The following EDAR variants were observed in gnomAD, a reference collection of about 807,000 sequenced individuals.
EDAR encodes ectodysplasin A receptor.
Under a neutral mutation model 51.3 loss-of-function variants are expected in EDAR, and 38 were observed. The ratio of observed to expected loss-of-function variants is 0.74; its 90% CI spans 0.57 to 0.97. EDAR has a LOEUF of 0.97. EDAR is among the 50% of genes least tolerant of loss of function. The pLI, the probability that EDAR is intolerant of heterozygous loss-of-function variation, is 0.00. For missense variants in EDAR, 528 were observed against 595.0 expected (o/e 0.89, Z 1.17); for synonymous variants, 227 against 242.1 (o/e 0.94, Z 0.58).
intron 1 of EDAR, among the ~76,000 whole-genome samples, chr2:108,979,644 C>T (rs1037804415): frequency 3.3e-5 from 5 of 152,100 alleles, no homozygotes; most frequent in Non-Finnish European, 5.9e-5. Context: ...GCCCCTCCTG[C>T]CTCCCTACCC....
chr2:108,917,048 C>A (rs1434210665), intron 5 of EDAR, among the ~76,000 whole-genome samples: 2 of 152,210 alleles, frequency 1.3e-5, no homozygotes, highest in Non-Finnish European at 2.9e-5. Context: ...AATGGAGCTG[C>A]CTTTTCAGCA....
At chr2:108,940,777 A>C (rs1574394036) in intron 1 of EDAR, among the ~76,000 whole-genome samples, 1 of 152,142 alleles carries the variant, frequency 6.6e-6, no homozygotes, top group East Asian at 1.9e-4. Context: ...GTGTTCTCAG[A>C]CTCTGCATGT....
chr2:108,897,502 A>G (rs1346166661), intron 11 of EDAR, among the ~76,000 whole-genome samples: 6 of 152,126 alleles, frequency 3.9e-5, no homozygotes, highest in Non-Finnish European at 8.8e-5. Context: ...AATGATAATA[A>G]TTCCCTCATG....
intron 1 of EDAR, among the ~76,000 whole-genome samples, chr2:108,938,914 C>T (rs953626036): frequency 2.7e-5 from 4 of 150,510 alleles, no homozygotes; most frequent in East Asian, 4.0e-4. Flanking sequence ...CGAGTAGCTG[C>T]GACTACAGGC....
chr2:108,905,625 G>C (rs1362041448), intron 11 of EDAR, among the ~76,000 whole-genome samples: 2 of 152,142 alleles, frequency 1.3e-5, no homozygotes, highest in Admixed American at 1.3e-4. Context: ...AGGAGTCCAC[G>C]GAGGGAGGCC....
chr2:108,985,551 C>T (rs375219234), intron 1 of EDAR, among the ~76,000 whole-genome samples: 1 of 152,182 alleles, frequency 6.6e-6, no homozygotes, highest in Admixed American at 6.5e-5. Flanking sequence ...TACATGTGTA[C>T]GTAGGTGTAT....
intron 1 of EDAR, among the ~76,000 whole-genome samples, chr2:108,936,243 T>C (rs968843769): frequency 6.6e-6 from 1 of 152,198 alleles, no homozygotes; most frequent in Non-Finnish European, 1.5e-5. Context: ...GGCCTGATGG[T>C]TCGGAGTTAC....
intron 1 of EDAR, among the ~76,000 whole-genome samples, chr2:108,949,380 T>C (rs1006030361): frequency 4.6e-5 from 7 of 152,206 alleles, no homozygotes; most frequent in Non-Finnish European, 7.3e-5. Context: ...TCTGATAATT[T>C]TGCTTTTCAG....
rs371245453 is a variant in EDAR, at chr2:108,925,799, T to C, written c.357-2346A>G. Among the ~76,000 whole-genome samples, 45 of 152,206 alleles carry C rather than the reference T, an allele frequency of 3.0e-4. 1 individual carries two copies. Among genetic ancestry groups the C allele is most frequent in the African/African-American group, 9.9e-4 (41 of 41,534 alleles). ...CGCCTGGCTAATTTTTATATTTTAA[T>C]AGAGATGGGGTTTCACCTGTTGGCC... On this transcript the variant is annotated intron_variant, in intron 4 of 11. Transcript: ENST00000258443.
chr2:108,926,182 A>G lies in EDAR; in HGVS notation c.357-2729T>C, dbSNP rs1256826374. Among the ~76,000 whole-genome samples, 4 of 152,244 alleles carry G rather than the reference A, an allele frequency of 2.6e-5. No individual in the cohort carries two copies. In the East Asian group the frequency reaches 7.7e-4, roughly 29 times the overall value. On this transcript the variant is annotated intron_variant, in intron 4 of 11. Coordinates refer to ENST00000258443, the MANE Select transcript of EDAR (RefSeq NM_022336.4). ...CTTTTTCTGCCTGGGCTTGTCACCA[A>G]CCCGAAATCAGGTGTTCATTTAGGG...
chr2:108,913,246 G>A (rs1490145491), intron 5 of EDAR, among the ~76,000 whole-genome samples: 8 of 152,116 alleles, frequency 5.3e-5, no homozygotes, highest in Non-Finnish European at 7.4e-5. Context: ...ACCGCGCCCG[G>A]CTGGTTATTG....
intron 9 of EDAR, among the ~76,000 whole-genome samples, chr2:108,908,393 C>A (rs898991084): frequency 6.6e-6 from 1 of 152,202 alleles, no homozygotes; most frequent in Non-Finnish European, 1.5e-5. Flanking sequence ...TCCCAGTAAG[C>A]ACCAAGTTCA....
intron 11 of EDAR, among the ~76,000 whole-genome samples, chr2:108,903,440 G>A (rs903695744): frequency 7.4e-5 from 11 of 149,352 alleles, no homozygotes; most frequent in Non-Finnish European, 1.5e-4. Context: ...AAAGATTTTT[G>A]AAAAAAAAAT....
At chr2:108,950,817 C>T (rs965283570) in intron 1 of EDAR, among the ~76,000 whole-genome samples, 2 of 152,236 alleles carry the variant, frequency 1.3e-5, no homozygotes, top group African/African-American at 2.4e-5. Flanking sequence ...GCAATACATT[C>T]TCAGCACAGG....
At chr2:108,982,791 C>T (rs940038742) in intron 1 of EDAR, among the ~76,000 whole-genome samples, 8 of 152,144 alleles carry the variant, frequency 5.3e-5, no homozygotes, top group Admixed American at 1.3e-4. Context: ...GCTTTGGTTA[C>T]GTCTGCCCGT....
chr2:108,949,380 TTG>T (rs1697779086), intron 1 of EDAR, among the ~76,000 whole-genome samples: 2 of 152,206 alleles, frequency 1.3e-5, no homozygotes, highest in Non-Finnish European at 2.9e-5. Flanking sequence ...TCTGATAATT[TTG>T]CTTTTCAGTC....
In EDAR at chr2:108,929,222, G is replaced by T. The variant is rs1459458246; in HGVS notation, c.332C>A (p.Ala111Asp). ...VLTPGDMENDAECGPCLPGYY... is the reference protein window; with the variant it reads ...VLTPGDMENDDECGPCLPGYY... ...CCCAGGGAGGCAAGGGCCACACTCA[G>T]CGTCATTCTCCATGTCCCCTGGTGT... The change falls in exon 4 of 12, where the codon GCT (alanine) becomes GAT (aspartate). Residue 111 changes from alanine (A) to aspartate (D), a missense_variant. Physicochemically the swap from Ala to Asp is moderately radical, Grantham distance 126. Coordinates refer to ENST00000258443, the MANE Select transcript of EDAR (RefSeq NM_022336.4). The T allele has an allele frequency of 9.9e-6, 16 of 1,614,106 alleles. No individual in the cohort carries two copies. Among genetic ancestry groups the T allele is most frequent in the Non-Finnish European group, 1.4e-5 (16 of 1,180,038 alleles).
At chr2:108,914,665 A>G (rs535404878) in intron 5 of EDAR, among the ~76,000 whole-genome samples, 1 of 152,352 alleles carries the variant, frequency 6.6e-6, no homozygotes, top group South Asian at 2.1e-4. Context: ...CAGTTTTGCA[A>G]ATAATAAAGC....
intron 4 of EDAR, among the ~76,000 whole-genome samples, chr2:108,927,186 G>A (rs1697273253): frequency 6.6e-6 from 1 of 152,202 alleles, no homozygotes; most frequent in Non-Finnish European, 1.5e-5. Flanking sequence ...CACGTGCTGA[G>A]GGTGTCTCTG....
Sources: allele counts gnomAD v4.1 joint callset (sites outside exome capture counted in the v4.1 genomes callset), GRCh38; gene constraint gnomAD v4.1.1; transcripts MANE v1.5; gene names NCBI Gene and HGNC (gene_info 2026-07-23, HGNC 2026-07-21).